Variants in PCDH11X observed in about 807,000 individuals in gnomAD.
The protein encoded by PCDH11X is protocadherin 11 X-linked.
In PCDH11X, 18 loss-of-function variants were observed where a neutral mutation model predicts 53.3. That is an observed-to-expected ratio of 0.34 (90% CI 0.23 to 0.50). The LOEUF is 0.50. Ranked by LOEUF, PCDH11X falls within the 20% of genes least tolerant of loss-of-function variation. The pLI is 0.98. For synonymous variants in PCDH11X, 279 were observed against 393.3 expected (o/e 0.71, Z 3.44); for missense variants, 570 against 1,032.4 (o/e 0.55, Z 6.14).
chrX:92,149,616 C>T (rs1397013496), intron 6 of PCDH11X, among the ~76,000 whole-genome samples: 6 of 109,840 alleles, frequency 5.5e-5, no homozygotes, highest in Non-Finnish European at 1.1e-4. Flanking sequence ...GCACAATAAA[C>T]TGTACTTATT....
chrX:91,925,099 G>T (rs776716284), intron 6 of PCDH11X, among the ~76,000 whole-genome samples: 2 of 109,690 alleles, frequency 1.8e-5, no homozygotes, highest in South Asian at 3.9e-4. Flanking sequence ...TTACAGTGGG[G>T]TTACATTATG....
In PCDH11X at chrX:92,387,864, G is replaced by C; in HGVS notation, c.3274G>C (p.Glu1092Gln). 8.3e-7 allele frequency: 1 copy of C among 1,211,339 alleles called. No homozygotes were observed. Among genetic ancestry groups the C allele is most frequent in the Admixed American group, 2.2e-5 (1 of 45,960 alleles). Residue 1092 changes from glutamate (E) to glutamine (Q), a missense_variant, in exon 9 of 11, where the codon GAG (glutamate) becomes CAG (glutamine). Physicochemically the swap from Glu to Gln is conservative, Grantham distance 29. This residue lies in a region of PCDH11X where 234 missense variants were observed against 296.1 expected (regional missense o/e 0.79). Transcript: ENST00000682573. The stretch of plus-strand genomic sequence containing the variant: ...TGGCCTGCCCCTTGGCTATCCTCAG[G>C]AGGAGTACTTTGATCGTGCTACACC... ...SHGLPLGYPQ[E>Q]EYFDRATPSN...
At chrX:92,532,769 G>A (rs1354030352) in intron 10 of PCDH11X, among the ~76,000 whole-genome samples, 1 of 110,180 alleles carries the variant, frequency 9.1e-6, no homozygotes, top group African/African-American at 3.3e-5. Flanking sequence ...ATAAGACAGG[G>A]CAATTTACAT....
intron 6 of PCDH11X, among the ~76,000 whole-genome samples, chrX:92,073,992 A>G (rs185592484): frequency 1.7e-3 from 194 of 111,866 alleles, no homozygotes; most frequent in Admixed American, 5.6e-3. Context: ...GATGCTCACT[A>G]AGTTCATTTA....
chrX:92,087,207 G>C (rs2063969882), intron 6 of PCDH11X, among the ~76,000 whole-genome samples: 1 of 110,015 alleles, frequency 9.1e-6, no homozygotes. Flanking sequence ...TGATTCTCTT[G>C]CCTCAGCCTC....
intron 1 of PCDH11X, among the ~76,000 whole-genome samples, chrX:91,798,532 T>G (rs1157586949): frequency 3.8e-5 from 4 of 105,684 alleles, no homozygotes; most frequent in African/African-American, 7.0e-5. Context: ...GAGGTTGCAG[T>G]GAGCCGAGAT....
chrX:92,395,172 G>T (rs1416732668), intron 9 of PCDH11X, among the ~76,000 whole-genome samples: 2 of 110,800 alleles, frequency 1.8e-5, no homozygotes, highest in East Asian at 5.7e-4. Context: ...GGAAATGTTT[G>T]TATGTTATCT....
chrX:92,509,902 C>G (rs1476525273), intron 10 of PCDH11X, among the ~76,000 whole-genome samples: 1 of 111,368 alleles, frequency 9.0e-6, no homozygotes, highest in Admixed American at 9.6e-5. Flanking sequence ...CATATGCTCA[C>G]TGGAGCCTTA....
intron 10 of PCDH11X, among the ~76,000 whole-genome samples, chrX:92,524,006 A>G (rs2074408118): frequency 9.1e-6 from 1 of 109,618 alleles, no homozygotes; most frequent in South Asian, 3.9e-4. Flanking sequence ...TTCTGTATGC[A>G]GTACTAGGGA....
intron 1 of PCDH11X, among the ~76,000 whole-genome samples, chrX:91,796,564 C>A (rs1055092912): frequency 2.8e-4 from 31 of 110,960 alleles, no homozygotes; most frequent in Non-Finnish European, 5.1e-4. Context: ...TTGTCAATAT[C>A]ATTTTCTTAT....
intron 6 of PCDH11X, among the ~76,000 whole-genome samples, chrX:91,975,763 A>G (rs1488690678): frequency 9.0e-6 from 1 of 111,037 alleles, no homozygotes; most frequent in Non-Finnish European, 1.9e-5. Flanking sequence ...ATCAAGTAAG[A>G]TGAGGAAATT....
intron 8 of PCDH11X, among the ~76,000 whole-genome samples, chrX:92,375,105 G>A (rs186246888): frequency 1.2e-5 from 1 of 82,539 alleles, no homozygotes; most frequent in Admixed American, 1.4e-4. Context: ...AGATTGTTAA[G>A]GGTTTACCTC....
chrX:92,547,943 C>T (rs1324828317), intron 10 of PCDH11X, among the ~76,000 whole-genome samples: 2 of 109,322 alleles, frequency 1.8e-5, no homozygotes, highest in East Asian at 5.7e-4. Context: ...TTTGGCAATA[C>T]AGAAATTACA....
chrX:92,376,140 T>C (rs1485328529), intron 8 of PCDH11X, among the ~76,000 whole-genome samples: 1 of 111,735 alleles, frequency 8.9e-6, no homozygotes, highest in Non-Finnish European at 1.9e-5. Flanking sequence ...TATTTTGCTG[T>C]TATTTGGATC....
intron 6 of PCDH11X, among the ~76,000 whole-genome samples, chrX:92,148,542 A>G (rs1041460765): frequency 9.3e-6 from 1 of 107,948 alleles, no homozygotes; most frequent in African/African-American, 3.3e-5. Flanking sequence ...TCTTTCTAAT[A>G]TAAAGGAATA....
intron 10 of PCDH11X, among the ~76,000 whole-genome samples, chrX:92,523,359 A>G (rs1445098829): frequency 3.6e-5 from 4 of 111,812 alleles, no homozygotes; most frequent in African/African-American, 1.3e-4. Context: ...TGCTCCACAA[A>G]TGTTGCATCC....
chrX:92,118,647 T>A (rs2064687015), intron 6 of PCDH11X, among the ~76,000 whole-genome samples: 1 of 109,863 alleles, frequency 9.1e-6, no homozygotes, highest in Admixed American at 9.9e-5. Context: ...ATTAGTATTT[T>A]TTTTCAGATT....
chrX:92,114,698 A>G (rs1197047060), intron 6 of PCDH11X, among the ~76,000 whole-genome samples: 1 of 111,474 alleles, frequency 9.0e-6, no homozygotes, highest in East Asian at 2.8e-4. Context: ...TTTTCTGAAC[A>G]TTGTCTAAAC....
intron 5 of PCDH11X, among the ~76,000 whole-genome samples, chrX:91,860,227 A>G (rs1465877890): frequency 9.2e-6 from 1 of 108,272 alleles, no homozygotes; most frequent in Non-Finnish European, 1.9e-5. Flanking sequence ...TCTTTGTAGC[A>G]ATTTTGAATT....
Sources: allele counts gnomAD v4.1 joint callset (sites outside exome capture counted in the v4.1 genomes callset), GRCh38; gene constraint gnomAD v4.1.1; regional missense constraint gnomAD v4.1.1; transcripts MANE v1.5; gene names NCBI Gene and HGNC (gene_info 2026-07-23, HGNC 2026-07-21).